The following OPCML variants were observed in gnomAD, a reference collection of about 807,000 sequenced individuals.
OPCML encodes the protein opioid-binding protein/cell adhesion molecule.
A neutral mutation model predicts 37.8 loss-of-function variants in OPCML; 13 were observed. The observed-to-expected ratio is 0.34, with a 90% confidence interval of 0.22 to 0.55. The LOEUF (loss-of-function observed/expected upper bound fraction) is 0.55. OPCML is among the 20% of genes least tolerant of loss of function. The pLI, the probability that OPCML is intolerant of heterozygous loss-of-function variation, is 0.91. For synonymous variants in OPCML, 176 were observed against 168.8 expected (o/e 1.04, Z -0.33); for missense variants, 341 against 435.6 (o/e 0.78, Z 1.93).
intron 1 of OPCML, among the ~76,000 whole-genome samples, chr11:133,501,677 C>G (rs1162644526): frequency 1.3e-5 from 2 of 152,026 alleles, no homozygotes; most frequent in African/African-American, 4.8e-5. Flanking sequence ...GTGAGGGGAG[C>G]TGGCTTCATG....
At position 132,436,229 on chromosome 11, in the gene OPCML, G is replaced by C. The variant is rs763999267; in HGVS notation, c.773C>G (p.Thr258Ser). 3 of 1,614,176 alleles carry C rather than the reference G, an allele frequency of 1.9e-6. No homozygotes were observed. The highest frequency in any genetic ancestry group is 2.5e-6 in the Non-Finnish European group (3 of 1,180,030). The part of the protein sequence containing the change: ...QWFKEETRLA[T>S]GLDGMRIENK... ...TTCAATCCTCATTCCATCCAGACCA[G>C]TGGCTAACCTGCAAGAGGGAAGACA... The change falls in exon 7 of 8, where the codon ACT becomes AGT. Residue 258 changes from threonine (T) to serine (S), a missense_variant. Coordinates refer to ENST00000524381, the MANE Select transcript of OPCML (RefSeq NM_001012393.5).
chr11:133,026,452 C>T, intron 1 of OPCML: 3 of 985,414 alleles, frequency 3.0e-6, no homozygotes, highest in Non-Finnish European at 3.6e-6. Flanking sequence ...TCCCTGGTTC[C>T]TGTTTTGCAA....
chr11:133,418,174 T>C (rs1945808809), intron 1 of OPCML: 1 of 985,288 alleles, frequency 1.0e-6, no homozygotes, highest in Admixed American at 6.2e-5. Context: ...TACTCTCGCC[T>C]GTCTGCCATG....
At chr11:132,934,101 G>A (rs766299928) in intron 2 of OPCML, among the ~76,000 whole-genome samples, 7 of 152,284 alleles carry the variant, frequency 4.6e-5, no homozygotes, top group South Asian at 2.1e-4. Context: ...AGGAGCAAGC[G>A]TCACTTGGCC....
intron 1 of OPCML, among the ~76,000 whole-genome samples, chr11:133,478,156 C>T (rs1045263921): frequency 6.6e-6 from 1 of 152,124 alleles, no homozygotes; most frequent in Non-Finnish European, 1.5e-5. Flanking sequence ...AGTACAGAAT[C>T]CCCAAACCCC....
chr11:133,157,951 G>A (rs1038757463), intron 1 of OPCML, among the ~76,000 whole-genome samples: 1 of 152,200 alleles, frequency 6.6e-6, no homozygotes, highest in Non-Finnish European at 1.5e-5. Flanking sequence ...GCATCTCTGG[G>A]ATCTGTATTC....
chr11:133,527,136 G>C (rs908311404), intron 1 of OPCML, among the ~76,000 whole-genome samples: 7 of 152,246 alleles, frequency 4.6e-5, no homozygotes, highest in Non-Finnish European at 1.0e-4. Flanking sequence ...ACCAGCATCA[G>C]AAAAGCCAGT....
intron 2 of OPCML, among the ~76,000 whole-genome samples, chr11:132,722,890 C>T (rs1944725551): frequency 6.6e-6 from 1 of 152,154 alleles, no homozygotes; most frequent in South Asian, 2.1e-4. Context: ...TCTTTATTCA[C>T]ACAAATTTCA....
At chr11:133,251,287 A>C (rs1367580390) in intron 1 of OPCML, among the ~76,000 whole-genome samples, 1 of 152,090 alleles carries the variant, frequency 6.6e-6, no homozygotes, top group Non-Finnish European at 1.5e-5. Flanking sequence ...AACAGAAAAA[A>C]AGGATTATAT....
chr11:133,056,687 C>G (rs776837003), intron 1 of OPCML, among the ~76,000 whole-genome samples: 1 of 152,292 alleles, frequency 6.6e-6, no homozygotes, highest in Middle Eastern at 3.4e-3. Context: ...CTCTGCCAAG[C>G]CCTCAAGCAT....
At chr11:133,396,198 A>C (rs951582602) in intron 1 of OPCML, among the ~76,000 whole-genome samples, 4 of 151,972 alleles carry the variant, frequency 2.6e-5, no homozygotes, top group African/African-American at 7.2e-5. Context: ...TGGCATAGAG[A>C]AATGCTACTG....
intron 1 of OPCML, among the ~76,000 whole-genome samples, chr11:133,256,600 G>T (rs1449031868): frequency 6.6e-6 from 1 of 152,168 alleles, no homozygotes; most frequent in African/African-American, 2.4e-5. Flanking sequence ...GTGATATGTG[G>T]TGGGATTATT....
At chr11:133,003,442 CT>C (rs1459649717) in intron 1 of OPCML, among the ~76,000 whole-genome samples, 2 of 152,136 alleles carry the variant, frequency 1.3e-5, no homozygotes, top group Non-Finnish European at 2.9e-5. Flanking sequence ...TGTAAAATAC[CT>C]CTTGGCCTCC....
At chr11:132,642,122 G>A (rs1474019867) in intron 3 of OPCML, among the ~76,000 whole-genome samples, 1 of 152,300 alleles carries the variant, frequency 6.6e-6, no homozygotes, top group Admixed American at 6.5e-5. Flanking sequence ...CAGACTTGGG[G>A]AGGTCTCTAC....
intron 3 of OPCML, among the ~76,000 whole-genome samples, chr11:132,625,870 C>T (rs1939710184): frequency 6.6e-6 from 1 of 152,062 alleles, no homozygotes; most frequent in African/African-American, 2.4e-5. Context: ...CTGACTGATG[C>T]TAGCCATTTT....
chr11:132,737,501 A>G (rs1019235486), intron 2 of OPCML, among the ~76,000 whole-genome samples: 4 of 152,228 alleles, frequency 2.6e-5, no homozygotes, highest in Non-Finnish European at 4.4e-5. Context: ...TATAATTTCC[A>G]TCCTAACAAT....
chr11:132,728,415 C>T lies in OPCML; in HGVS notation c.147-71096G>A, dbSNP rs144062637. On this transcript the variant is annotated intron_variant, in intron 2 of 7. Transcript: ENST00000524381. Reference sequence around the variant, plus strand: ...GGGTGTGCAGAGCTGCAAGAAGAGACAAAAGATGATGGAGCTAGGAAAATA... The same window carrying T: ...GGGTGTGCAGAGCTGCAAGAAGAGATAAAAGATGATGGAGCTAGGAAAATA... Among the ~76,000 whole-genome samples, 726 of 152,232 alleles carry T rather than the reference C, an allele frequency of 4.8e-3. 8 individuals are homozygous for T. Among genetic ancestry groups the T allele is most frequent in the African/African-American group, 0.017 (693 of 41,528 alleles).
intron 1 of OPCML, among the ~76,000 whole-genome samples, chr11:133,461,165 C>G (rs1946850549): frequency 6.6e-6 from 1 of 151,846 alleles, no homozygotes; most frequent in South Asian, 2.1e-4. Context: ...GGCTCAATAA[C>G]AAGACAAGGA....
At chr11:133,416,526 C>A (rs1945769934) in intron 1 of OPCML, among the ~76,000 whole-genome samples, 1 of 152,182 alleles carries the variant, frequency 6.6e-6, no homozygotes, top group Non-Finnish European at 1.5e-5. Context: ...GCCTGATAAA[C>A]TGCTCCTAAT....
Sources: gnomAD v4.1 joint callset for allele counts (sites outside exome capture counted in the v4.1 genomes callset) on GRCh38, gnomAD v4.1.1 for gene constraint, MANE v1.5 for transcripts, NCBI Gene and HGNC (gene_info 2026-07-23, HGNC 2026-07-21) for gene names.